TMEM266: variants seen among roughly 807,000 people sequenced by gnomAD.
TMEM266 encodes the protein Hv1 related protein 1.
TMEM266 carries 33 observed loss-of-function variants against 50.5 expected under a neutral mutation model. That is an observed-to-expected ratio of 0.65 (90% CI 0.50 to 0.87). The LOEUF (loss-of-function observed/expected upper bound fraction) is 0.87. Among genes scored for constraint, TMEM266 ranks in the 40% least tolerant of loss-of-function variants. The pLI, the probability that TMEM266 is intolerant of heterozygous loss-of-function variation, is 0.00. For missense variants in TMEM266, 655 were observed against 695.1 expected, an observed-to-expected ratio of 0.94 and a Z score of 0.65; for synonymous variants, 310 against 292.3, an observed-to-expected ratio of 1.06 and a Z score of -0.62.
chr15:76,067,660 GAA>G (rs1245697064), intron 1 of TMEM266, among the ~76,000 whole-genome samples: 4 of 138,126 alleles, frequency 2.9e-5, no homozygotes, highest in Non-Finnish European at 6.3e-5. Flanking sequence ...GAAAAGAAAA[GAA>G]AAGAAAAGAA....
At chr15:76,099,841 T>G (rs911936711) in intron 1 of TMEM266, among the ~76,000 whole-genome samples, 99 of 152,186 alleles carry the variant, frequency 6.5e-4, no homozygotes, top group African/African-American at 2.1e-3. Context: ...TTCTGCAGGC[T>G]TAAGGAAACT....
chr15:76,128,233 CAAGT>C (rs1353152746), intron 1 of TMEM266, among the ~76,000 whole-genome samples: 1 of 152,200 alleles, frequency 6.6e-6, no homozygotes, highest in Non-Finnish European at 1.5e-5. Context: ...GGCTGTCACT[CAAGT>C]AAGAGGTGAT....
At position 76,182,051 on chromosome 15, in the gene TMEM266, G is replaced by GTCCAGCT. The variant is rs1223668109; in HGVS notation, c.768+6383_768+6384insTTCCAGC. Among the ~76,000 whole-genome samples, 3 of 152,168 alleles carry GTCCAGCT rather than the reference G, an allele frequency of 2.0e-5. No individual in the cohort carries two copies. The South Asian group carries it at 6.2e-4, about 32-fold the overall frequency. On this transcript the variant is annotated intron_variant, in intron 8 of 10. Transcript: ENST00000388942. The stretch of plus-strand genomic sequence containing the variant: ...GAGGCTCAATCCGGGGTGACTCAAG[G>GTCCAGCT]TCCAGCCTCCAAGGAGACCAGTGGG...
At chr15:76,075,974 A>AG (rs2036602568) in intron 1 of TMEM266, among the ~76,000 whole-genome samples, 1 of 144,640 alleles carries the variant, frequency 6.9e-6, no homozygotes, top group Admixed American at 7.3e-5. Flanking sequence ...ATCCTCCCTC[A>AG]ACCCCCCGAG....
At position 76,202,234 on chromosome 15, in the gene TMEM266, ATCAG is replaced by A. The variant is rs745406236; in HGVS notation, c.997_1000del (p.Gln333IlefsTer24). 4 of 1,613,966 alleles carry A rather than the reference ATCAG, an allele frequency of 2.5e-6. No individual in the cohort carries two copies. Among genetic ancestry groups the A allele is most frequent in the Admixed American group, 1.7e-5 (1 of 60,006 alleles). Reference sequence around the variant, plus strand: ...GATGAAGGACGACATGAACAGCTACATCAGTCAGTATTACAATGGGCCCAGCAGT... The same window carrying A: ...GATGAAGGACGACATGAACAGCTACATCAGTATTACAATGGGCCCAGCAGT... On this transcript the variant is annotated frameshift_variant, in exon 10 of 11. Coordinates refer to ENST00000388942, the MANE Select transcript of TMEM266 (RefSeq NM_152335.3). LOFTEE classifies it low-confidence loss of function (END_TRUNC).
intron 1 of TMEM266, among the ~76,000 whole-genome samples, chr15:76,082,156 T>A (rs4886759): frequency 6.6e-6 from 1 of 152,090 alleles, no homozygotes; most frequent in African/African-American, 2.4e-5. Flanking sequence ...AAAATACATA[T>A]AGTCTCTTTT....
intron 1 of TMEM266, among the ~76,000 whole-genome samples, chr15:76,100,053 G>A (rs2142003179): frequency 1.3e-5 from 2 of 152,164 alleles, no homozygotes; most frequent in Admixed American, 6.5e-5. Flanking sequence ...CTCCCACCAG[G>A]CCCCTCCCTC....
In TMEM266 at chr15:76,138,157, G is replaced by C. The variant is rs995663437; in HGVS notation, c.227+262G>C. On this transcript the variant is annotated intron_variant, in intron 3 of 10. Transcript: ENST00000388942. ...GAATTGCTTGAACCCGAGAGGCGGA[G>C]GTTGCAGTGAGCTGAAATTGCACCA... Among the ~76,000 whole-genome samples, 14 of 150,290 alleles carry C rather than the reference G, an allele frequency of 9.3e-5. No homozygotes were observed. The Admixed American group carries it at 9.4e-4, about 10-fold the overall frequency.
chr15:76,087,895 C>T (rs1450963019), intron 1 of TMEM266, among the ~76,000 whole-genome samples: 1 of 152,202 alleles, frequency 6.6e-6, no homozygotes, highest in Non-Finnish European at 1.5e-5. Flanking sequence ...CAGCTCCTTT[C>T]TCAGGCTACT....
intron 1 of TMEM266, among the ~76,000 whole-genome samples, chr15:76,090,358 G>T (rs1206083709): frequency 6.6e-6 from 1 of 151,926 alleles, no homozygotes; most frequent in East Asian, 1.9e-4. Flanking sequence ...CAGGCATGGT[G>T]GTGCACACCT....
rs34379905 is a variant in TMEM266, at chr15:76,125,846, TAAAAAA to T, written c.-96-8309_-96-8304del. On this transcript the variant is annotated intron_variant, in intron 1 of 10. Transcript: ENST00000388942. ...CTGGGTGACAGAATGAGACTCCATGTAAAAAAAAAAAAAAAAAAGGCAGTGGGGGGG... is the reference window on the plus strand; with the variant it reads ...CTGGGTGACAGAATGAGACTCCATGTAAAAAAAAAAAAGGCAGTGGGGGGG... Among the ~76,000 whole-genome samples the T allele has an allele frequency of 1.4e-3, 166 of 116,444 alleles. 1 individual carries two copies. Among genetic ancestry groups the T allele is most frequent in the Middle Eastern group, 4.7e-3 (1 of 214 alleles). 76.4% of individuals were successfully genotyped at this position (116,444 alleles called of 152,430 possible).
intron 1 of TMEM266, among the ~76,000 whole-genome samples, chr15:76,067,116 A>C (rs553458429): frequency 6.6e-6 from 1 of 152,220 alleles, no homozygotes; most frequent in Non-Finnish European, 1.5e-5. Context: ...TCTAGTTTGA[A>C]GAATACAGAA....
At chr15:76,140,798 G>A (rs556517635) in intron 3 of TMEM266, among the ~76,000 whole-genome samples, 1 of 151,786 alleles carries the variant, frequency 6.6e-6, no homozygotes, top group South Asian at 2.1e-4. Context: ...ACTTTGGGAG[G>A]CTGAGGTGAG....
rs2038576491 is a variant in TMEM266, at chr15:76,191,845, C to A, written c.769-123C>A. ...AGATTCCTAAGGAATCATCCAGCTG[C>A]GGGAGGCTCAGCCCAGTCCTCCCCA... is the stretch of plus-strand genomic sequence containing the variant. On this transcript the variant is annotated intron_variant, in intron 8 of 10. Coordinates refer to ENST00000388942, the MANE Select transcript of TMEM266 (RefSeq NM_152335.3). 3.5e-6 allele frequency: 3 copies of A among 858,466 alleles called. No individual in the cohort carries two copies. The East Asian group carries it at 9.9e-5, about 28-fold the overall frequency. 53.2% of individuals were successfully genotyped at this position (858,466 alleles called of 1,614,324 possible).
At position 76,171,112 on chromosome 15, in the gene TMEM266, G is replaced by A. The variant is rs375197205; in HGVS notation, c.633G>A (p.Arg211=). Residue 211 remains arginine (R), a synonymous_variant, in exon 7 of 11, where the codon AGG becomes AGA. Transcript: ENST00000388942. ...TCATCATCATGCTCCGGATCTGGAG[G>A]GTGAAGAGGGTCATTGATGGTGAGT... is the stretch of plus-strand genomic sequence containing the variant. The A allele has an allele frequency of 8.1e-6, 13 of 1,613,656 alleles. No individual in the cohort carries two copies. Among genetic ancestry groups the A allele is most frequent in the Non-Finnish European group, 1.1e-5 (13 of 1,179,862 alleles).
intron 1 of TMEM266, among the ~76,000 whole-genome samples, chr15:76,079,249 A>C (rs577743927): frequency 3.4e-4 from 51 of 151,746 alleles, no homozygotes; most frequent in Non-Finnish European, 5.9e-4. Flanking sequence ...GCTACTCGGG[A>C]GGCTGAGGCT....
intron 1 of TMEM266, among the ~76,000 whole-genome samples, chr15:76,118,861 C>G (rs2037292420): frequency 6.6e-6 from 1 of 152,162 alleles, no homozygotes; most frequent in Non-Finnish European, 1.5e-5. Context: ...GAGTGGGGAG[C>G]CTTCCATGAA....
Position 76,189,253 on chromosome 15 carries a change from GAAGT to G in TMEM266, c.769-2711_769-2708del, listed in dbSNP as rs1409289823. ...GGAGAGAGGGAGGAAGGGAAGGAGG[GAAGT>G]AAGGAAGGGAGGAAGGGAGGAAGGA... On this transcript the variant is annotated intron_variant, in intron 8 of 10. Coordinates refer to ENST00000388942, the MANE Select transcript of TMEM266 (RefSeq NM_152335.3). Among the ~76,000 whole-genome samples, 16 of 145,170 alleles carry G rather than the reference GAAGT, an allele frequency of 1.1e-4. No homozygotes were observed. In the East Asian group the frequency reaches 1.2e-3, roughly 11 times the overall value.
At position 76,156,640 on chromosome 15, in the gene TMEM266, A is replaced by C. The variant is rs749373251; in HGVS notation, c.264A>C (p.Ala88=). ...TGAAGCCGTGCTGTGGGAAGAGAGC[A>C]GCCGTGTGGCAGGTATTTTTGCTCA... The change falls in exon 4 of 11, where the codon GCA becomes GCC. Residue 88 remains alanine, a synonymous_variant. Transcript: ENST00000388942. The C allele has an allele frequency of 6.2e-7, 1 of 1,614,176 alleles. No individual in the cohort carries two copies. Among genetic ancestry groups the C allele is most frequent in the Admixed American group, 1.7e-5 (1 of 60,026 alleles).
Sources: gnomAD v4.1 joint callset for allele counts (sites outside exome capture counted in the v4.1 genomes callset) on GRCh38, gnomAD v4.1.1 for gene constraint, MANE v1.5 for transcripts, NCBI Gene and HGNC (gene_info 2026-07-23, HGNC 2026-07-21) for gene names.